Variants in NLRP10 observed in about 807,000 individuals in gnomAD.
NLRP10 encodes NLR family pyrin domain containing 10, also known as NACHT, LRR and PYD domains-containing protein 10.
NLRP10 carries 7 observed loss-of-function variants against 8.2 expected under a neutral mutation model. The observed-to-expected ratio is 0.85, with a 90% CI of 0.48 to 1.60. The LOEUF (loss-of-function observed/expected upper bound fraction) is 1.60, where lower values mean the gene tolerates loss of function less well. Among genes scored for constraint, NLRP10 ranks in the 40% most tolerant of loss-of-function variants. The probability of loss-of-function intolerance (pLI) is 0.00; values close to 1 mark genes in which losing one functional copy is unlikely to be tolerated. For missense variants in NLRP10, 814 were observed against 776.3 expected (o/e 1.05, Z -0.58); for synonymous variants, 338 against 314.0 (o/e 1.08, Z -0.81).
rs139005318 is a variant in NLRP10 at position 7,965,368 on chromosome 11, C to A, written c.-168G>T. 1 of 152,292 alleles carries A rather than the reference C, an allele frequency of 6.6e-6. No homozygotes were observed. Among genetic ancestry groups the A allele is most frequent in the East Asian group, 1.9e-4 (1 of 5,166 alleles). The allele number at this position is 152,292 out of a possible 1,614,324, so 9.4% of individuals were successfully genotyped here. ...GATCCCCTTTCCTGGTCCGACAGCTCTACAGGTCCAAGTTTGGGCTCTCTT... is the reference window on the plus strand; with the variant it reads ...GATCCCCTTTCCTGGTCCGACAGCTATACAGGTCCAAGTTTGGGCTCTCTT... On this transcript the variant is annotated 5_prime_UTR_variant, in exon 1 of 3. Transcript: ENST00000691676.
intron 2 of NLRP10, among the ~76,000 whole-genome samples, chr11:7,961,673 G>C (rs532437840): frequency 1.3e-5 from 2 of 152,196 alleles, no homozygotes; most frequent in Non-Finnish European, 2.9e-5. Flanking sequence ...AAGAATACAT[G>C]TAAGTGCAAA....
chr11:7,964,449 C>T (rs1432252632), intron 1 of NLRP10, among the ~76,000 whole-genome samples: 1 of 152,228 alleles, frequency 6.6e-6, no homozygotes, highest in Non-Finnish European at 1.5e-5. Context: ...GGAAGAGGAA[C>T]CGCCACCTGT....
rs749153634 is a variant in NLRP10, at chr11:7,960,042, CT to C, written c.1569del (p.Asp524ThrfsTer18). The C allele has an allele frequency of 1.9e-6, 3 of 1,614,060 alleles. No individual in the cohort carries two copies. Among genetic ancestry groups the C allele is most frequent in the South Asian group, 2.2e-5 (2 of 91,068 alleles). On this transcript the variant is annotated frameshift_variant, in exon 3 of 3. Transcript: ENST00000691676. LOFTEE classifies it low-confidence loss of function (END_TRUNC). ...TMQFLLDISKKDSFSNLELKF... is the reference protein window; with the variant it reads ...TMQFLLDISKXDSFSNLELKF... Reference sequence around the variant, plus strand: ...TTGAGCTCCAAGTTCGAGAAGCTGTCTTTTTTCGAGATGTCCAGTAAAAACT... The same window carrying C: ...TTGAGCTCCAAGTTCGAGAAGCTGTCTTTTTCGAGATGTCCAGTAAAAACT...
rs1005185547 is a variant in NLRP10, at chr11:7,960,733, C to T, written c.879G>A (p.Arg293=). Residue 293 remains arginine (R), a synonymous_variant, in exon 3 of 3, where the codon CGG becomes CGA. Transcript: ENST00000691676. ...LPTCSLLITT[R]PLALRNLEPL... is the part of the protein sequence containing the mutation. ...GCTCCAGATTCCTCAAAGCCAGGGG[C>T]CGGGTGGTGATGAGAAGGGAGCACG... The T allele has an allele frequency of 6.2e-7, 1 of 1,614,014 alleles. No individual in the cohort carries two copies.
intron 1 of NLRP10, among the ~76,000 whole-genome samples, chr11:7,963,913 T>C (rs370682035): frequency 6.6e-6 from 1 of 151,826 alleles, no homozygotes. Context: ...GAAAAAAAAG[T>C]CTAAGTTTTT....
chr11:7,962,378 G>T (rs1941747818), intron 2 of NLRP10, among the ~76,000 whole-genome samples: 1 of 151,862 alleles, frequency 6.6e-6, no homozygotes, highest in South Asian at 2.1e-4. Flanking sequence ...TGGGACCACA[G>T]GCGCACGCCA....
chr11:7,961,313 T>C lies in NLRP10; in HGVS notation c.299A>G (p.Glu100Gly). Residue 100 changes from glutamate (E) to glycine (G), a missense_variant, in exon 3 of 3, where the codon GAA (glutamate) becomes GGA (glycine). By Grantham distance (98) the Glu-to-Gly change is moderately conservative (BLOSUM62 -2). Coordinates refer to ENST00000691676, the MANE Select transcript of NLRP10 (RefSeq NM_001391958.1). ...GCAGCGCACATGCTCTCGGTATACT[T>C]CTCTGTAATCTGAGCCAAACAAATG... Reference protein sequence around the residue: ...LSHICLHDYREVYREHVRCLE... With the variant: ...LSHICLHDYRGVYREHVRCLE... 3 of 1,551,368 alleles carry C rather than the reference T, an allele frequency of 1.9e-6. No individual in the cohort carries two copies. Among genetic ancestry groups the C allele is most frequent in the Non-Finnish European group, 2.6e-6 (3 of 1,147,840 alleles).
intron 1 of NLRP10, 102 bp downstream of exon 1, chr11:7,965,144 C>G (rs1049147578): frequency 1.3e-5 from 2 of 152,188 alleles, no homozygotes; most frequent in Non-Finnish European, 2.9e-5. Context: ...AGACTCAGGG[C>G]TTCCCTGCAA....
Position 7,957,584 on chromosome 11 carries a change from T to A in NLRP10, c.*2060A>T. Among the ~76,000 whole-genome samples, 1 of 152,250 alleles carries A rather than the reference T, an allele frequency of 6.6e-6. No individual in the cohort carries two copies. Among genetic ancestry groups the A allele is most frequent in the Non-Finnish European group, 1.5e-5 (1 of 67,982 alleles). ...TTGTATTAAACTAATTATACTTCAA[T>A]AAAACTTTTTTTAAATACAGAAAGT... On this transcript the variant is annotated 3_prime_UTR_variant, in exon 3 of 3. Coordinates refer to ENST00000691676, the MANE Select transcript of NLRP10 (RefSeq NM_001391958.1).
chr11:7,959,671 C>G lies in NLRP10; in HGVS notation c.1941G>C (p.Glu647Asp). Residue 647 changes from glutamate (E) to aspartate (D), a missense_variant, in exon 3 of 3, where the codon GAG becomes GAC. Glu to Asp is a conservative substitution (Grantham distance 45). Coordinates refer to ENST00000691676, the MANE Select transcript of NLRP10 (RefSeq NM_001391958.1). ...EASTGKGRGT[E>D]ETPKNTYI The stretch of plus-strand genomic sequence containing the variant: ...ATATGTAAGTATTTTTTGGTGTTTC[C>G]TCTGTCCCTCTGCCTTTTCCAGTAG... 6.3e-7 allele frequency: 1 copy of G among 1,576,190 alleles called. No individual in the cohort carries two copies. Among genetic ancestry groups the G allele is most frequent in the Non-Finnish European group, 8.6e-7 (1 of 1,167,370 alleles).
intron 2 of NLRP10, among the ~76,000 whole-genome samples, chr11:7,962,350 C>T (rs1400003974): frequency 1.4e-5 from 2 of 148,036 alleles, no homozygotes; most frequent in East Asian, 2.0e-4. Context: ...ATTCTCCTGC[C>T]TCAGCCTCCC....
At chr11:7,961,403 A>T in intron 2 of NLRP10, 81 bp from the exon 3 acceptor site, 1 of 883,504 alleles carries the variant, frequency 1.1e-6, no homozygotes, top group Non-Finnish European at 1.8e-6. Context: ...GACTCTGCTC[A>T]TTAGTCTTCT....
rs770023373 is a variant in NLRP10, at chr11:7,960,946, G to A, written c.666C>T (p.Leu222=). 1 of 1,614,176 alleles carries A rather than the reference G, an allele frequency of 6.2e-7. No individual in the cohort carries two copies. The highest frequency in any genetic ancestry group is 8.5e-7 in the Non-Finnish European group (1 of 1,180,040). The stretch of plus-strand genomic sequence containing the variant: ...GATTGTCCCCGCAGCACCAGAAAAG[G>A]AGCTGCTCCAGTTTGCTCTCCAGCA... The part of the protein sequence containing the change: ...VLLLESKLEQ[L]LFWCCGDNQA... The change falls in exon 3 of 3, where the codon CTC becomes CTT. Residue 222 remains leucine (L), a synonymous_variant. Transcript: ENST00000691676.
intron 2 of NLRP10, among the ~76,000 whole-genome samples, chr11:7,962,147 C>G (rs570208028): frequency 2.0e-5 from 3 of 151,604 alleles, no homozygotes; most frequent in African/African-American, 7.3e-5. Flanking sequence ...AAACCATGAG[C>G]CAAATAAACC....
At chr11:7,961,832 C>G (rs546593369) in intron 2 of NLRP10, among the ~76,000 whole-genome samples, 1 of 152,270 alleles carries the variant, frequency 6.6e-6, no homozygotes, top group South Asian at 2.1e-4. Context: ...TTTATCCCCT[C>G]CAAATTTCAG....
chr11:7,960,373 C>A lies in NLRP10; in HGVS notation c.1239G>T (p.Leu413=). The change falls in exon 3 of 3, where the codon CTG becomes CTT. Residue 413 remains leucine, a synonymous_variant. Coordinates refer to ENST00000691676, the MANE Select transcript of NLRP10 (RefSeq NM_001391958.1). The stretch of plus-strand genomic sequence containing the variant: ...GAATCCCTTCAGCTGCTAGGGAGCA[C>A]AGACTCCTCAGGACCCTGTGCCGGG... ...ELSRHRVLRS[L]CSLAAEGIQH... is the part of the protein sequence containing the mutation. 1 of 1,614,100 alleles carries A rather than the reference C, an allele frequency of 6.2e-7. No homozygotes were observed. The highest frequency in any genetic ancestry group is 1.3e-5 in the African/African-American group (1 of 75,050).
Position 7,960,579 on chromosome 11 carries a change from C to A in NLRP10, c.1033G>T (p.Asp345Tyr). The A allele has an allele frequency of 6.2e-7, 1 of 1,614,208 alleles. No homozygotes were observed. Among genetic ancestry groups the A allele is most frequent in the Non-Finnish European group, 8.5e-7 (1 of 1,180,050 alleles). The change falls in exon 3 of 3, where the codon GAC (aspartate) becomes TAC (tyrosine). Residue 345 changes from aspartate to tyrosine, a missense_variant. Asp to Tyr is a radical substitution (Grantham distance 160). Coordinates refer to ENST00000691676, the MANE Select transcript of NLRP10 (RefSeq NM_001391958.1). Reference protein sequence around the residue: ...DRAFDIVQKNDILYKACQVPG... With the variant: ...DRAFDIVQKNYILYKACQVPG... ...ACCTGACACGCTTTGTAGAGAATGT[C>A]ATTTTTCTGTACAATGTCGAAGGCA...
rs1218060151 is a variant in NLRP10, at chr11:7,961,196, G to A, written c.416C>T (p.Ala139Val). Residue 139 changes from alanine to valine, a missense_variant, in exon 3 of 3, where the codon GCC (alanine) becomes GTC (valine). Physicochemically the swap from Ala to Val is moderately conservative, Grantham distance 64. Coordinates refer to ENST00000691676, the MANE Select transcript of NLRP10 (RefSeq NM_001391958.1). ...CAGCTCCTGCTCCGGGAAGGGGCAGGCAAGTGATTCTGGGCTCTCTGAGCT... is the reference window on the plus strand; with the variant it reads ...CAGCTCCTGCTCCGGGAAGGGGCAGACAAGTGATTCTGGGCTCTCTGAGCT... ...KPSSESPESL[A>V]CPFPEQELES... The A allele has an allele frequency of 1.2e-6, 2 of 1,613,854 alleles. No homozygotes were observed. Among genetic ancestry groups the A allele is most frequent in the African/African-American group, 1.3e-5 (1 of 74,862 alleles).
intron 2 of NLRP10, 75 bp from the exon 3 acceptor site, chr11:7,961,397 C>G: frequency 1.1e-6 from 1 of 934,764 alleles, no homozygotes. Flanking sequence ...CAAACTGACT[C>G]TGCTCATTAG....
Sources: gnomAD v4.1 joint callset for allele counts (sites outside exome capture counted in the v4.1 genomes callset) on GRCh38, gnomAD v4.1.1 for gene constraint, MANE v1.5 for transcripts, NCBI Gene and HGNC (gene_info 2026-07-23, HGNC 2026-07-21) for gene names.